The following CACNA1G variants were observed in gnomAD, a reference collection of about 807,000 sequenced individuals.
CACNA1G encodes the protein voltage-dependent T-type calcium channel subunit alpha-1G.
CACNA1G carries 67 observed loss-of-function variants against 219.4 expected under a neutral mutation model. That is an observed-to-expected ratio of 0.31 (90% CI 0.25 to 0.37). The LOEUF is 0.37. Ranked by LOEUF, CACNA1G falls within the 10% of genes least tolerant of loss-of-function variation. CACNA1G has a pLI of 1.00. For missense variants in CACNA1G, 2,380 were observed against 3,231.4 expected, an observed-to-expected ratio of 0.74 and a Z score of 6.39; for synonymous variants, 1,296 against 1,345.3, an observed-to-expected ratio of 0.96 and a Z score of 0.80.
chr17:50,576,396 G>C (rs1438947606), intron 8 of CACNA1G, 70 bp downstream of exon 8: 158 of 1,460,792 alleles, frequency 1.1e-4, no homozygotes, highest in Non-Finnish European at 1.4e-4. Context: ...GAGGGGACTA[G>C]GGGGTCTGGA....
Position 50,596,856 on chromosome 17 carries a change from C to T in CACNA1G, c.3191C>T (p.Pro1064Leu), listed in dbSNP as rs762750714. 8 of 1,598,174 alleles carry T rather than the reference C, an allele frequency of 5.0e-6. No individual in the cohort carries two copies. The African/African-American group carries it at 8.0e-5, about 16-fold the overall frequency. Reference sequence around the variant, plus strand: ...ACGGGCCTGGGCGAGGCGCTGGGCCCTGCGTCGCGCCGCACCAGCAGCAGC... The same window carrying T: ...ACGGGCCTGGGCGAGGCGCTGGGCCTTGCGTCGCGCCGCACCAGCAGCAGC... ...TSTGLGEALG[P>L]ASRRTSSSGS... Residue 1064 changes from proline to leucine, a missense_variant, in exon 16 of 38, where the codon CCT becomes CTT. Pro to Leu is a moderately conservative substitution (Grantham distance 98). This residue lies in a region of CACNA1G where 418 missense variants were observed against 434.3 expected (regional missense o/e 0.96). Coordinates refer to ENST00000359106, the MANE Select transcript of CACNA1G (RefSeq NM_018896.5). The surrounding 1 kb of genome is among the most constrained non-coding windows in gnomAD (Gnocchi z 4.8).
rs116433122 is a variant in CACNA1G, at chr17:50,600,248, G to A, written c.3690+389G>A. Among the ~76,000 whole-genome samples, 1,837 of 152,224 alleles carry A rather than the reference G, an allele frequency of 0.012. 27 individuals are homozygous for A. The highest frequency in any genetic ancestry group is 0.041 in the African/African-American group (1,707 of 41,520). ...CTTCCCACTCTATCCATACCCATGT[G>A]CCCCTGCCCCAGCCCCTCATCACCA... On this transcript the variant is annotated intron_variant, in intron 17 of 37. Coordinates refer to ENST00000359106, the MANE Select transcript of CACNA1G (RefSeq NM_018896.5). The surrounding 1 kb of genome is among the most constrained non-coding windows in gnomAD (Gnocchi z 4.1).
chr17:50,567,025 G>C (rs566094192), intron 1 of CACNA1G, among the ~76,000 whole-genome samples: 1 of 152,214 alleles, frequency 6.6e-6, no homozygotes, highest in Non-Finnish European at 1.5e-5. Context: ...CCTGCATGGG[G>C]AAAGCAGACC....
At position 50,578,640 on chromosome 17, in the gene CACNA1G, A is replaced by G; in HGVS notation, c.2301+76A>G. On this transcript the variant is annotated intron_variant, in intron 9 of 37. Transcript: ENST00000359106. The surrounding 1 kb of genome is among the most constrained non-coding windows in gnomAD (Gnocchi z 4.5). ...GCTGGGGCCTTCTACCTCCCTCCGC[A>G]CCCCTCCTCCTGAGCTCAGCTTCCT... The G allele has an allele frequency of 1.4e-6, 2 of 1,407,986 alleles. No individual in the cohort carries two copies. Among genetic ancestry groups the G allele is most frequent in the Non-Finnish European group, 1.9e-6 (2 of 1,051,350 alleles). 87.2% of individuals were successfully genotyped at this position (1,407,986 alleles called of 1,614,324 possible). A position where few individuals can be genotyped will look rare whatever the true frequency, so the allele number is the denominator to read the frequency against.
At chr17:50,574,646 C>T (rs1253722322) in intron 7 of CACNA1G, among the ~76,000 whole-genome samples, 1 of 152,188 alleles carries the variant, frequency 6.6e-6, no homozygotes, top group Non-Finnish European at 1.5e-5. Context: ...GCCTAGTTTC[C>T]ACCCTCCCAC....
At position 50,592,089 on chromosome 17, in the gene CACNA1G, G is replaced by C; in HGVS notation, c.2907G>C (p.Ala969=). 6.2e-7 allele frequency: 1 copy of C among 1,611,608 alleles called. No individual in the cohort carries two copies. The highest frequency in any genetic ancestry group is 8.5e-7 in the Non-Finnish European group (1 of 1,178,722). The change falls in exon 13 of 38, where the codon GCG becomes GCC. Residue 969 remains alanine (A), a synonymous_variant. Coordinates refer to ENST00000359106, the MANE Select transcript of CACNA1G (RefSeq NM_018896.5). The stretch of plus-strand genomic sequence containing the variant: ...CCATTCTGGTGGAGGGCTTCCAGGC[G>C]GAGGTAACCCACTGCTCTGCCCACC... The part of the protein sequence containing the change: ...LVAILVEGFQ[A]EEISKREDAS...
At position 50,596,528 on chromosome 17, in the gene CACNA1G, G is replaced by A. The variant is rs757241420; in HGVS notation, c.2980-34G>A. The A allele has an allele frequency of 8.8e-6, 14 of 1,588,164 alleles. No individual in the cohort carries two copies. The highest frequency in any genetic ancestry group is 1.3e-5 in the African/African-American group (1 of 74,538). ...CCATCCCAACCACCCAAGCCTGGCC[G>A]GATCCCTAATGGTCCGCTGCTCCCC... is the stretch of plus-strand genomic sequence containing the variant. On this transcript the variant is annotated intron_variant, in intron 14 of 37. Transcript: ENST00000359106. The surrounding 1 kb of genome is among the most constrained non-coding windows in gnomAD (Gnocchi z 4.8).
rs765391862 is a variant in CACNA1G at position 50,591,837 on chromosome 17, T to C, written c.2738T>C (p.Ile913Thr). ...AATTTTGACTCCTTGCTCTGGGCCA[T>C]CGTCACTGTCTTTCAGGTGCGAGGG... ...RKNFDSLLWA[I>T]VTVFQILTQE... The change falls in exon 12 of 38, where the codon ATC (isoleucine) becomes ACC (threonine). Residue 913 changes from isoleucine (I) to threonine (T), a missense_variant. By Grantham distance (89) the Ile-to-Thr change is moderately conservative. Coordinates refer to ENST00000359106, the MANE Select transcript of CACNA1G (RefSeq NM_018896.5). The C allele has an allele frequency of 1.2e-6, 2 of 1,613,912 alleles. No homozygotes were observed. Among genetic ancestry groups the C allele is most frequent in the South Asian group, 2.2e-5 (2 of 91,076 alleles).
At chr17:50,620,962 C>T (rs78991059) in intron 34 of CACNA1G, among the ~76,000 whole-genome samples, 1,571 of 152,332 alleles carry the variant, frequency 0.01, 27 homozygotes, top group African/African-American at 0.036. Flanking sequence ...TGAGGCAACC[C>T]CCTGGGTCCC....
chr17:50,574,161 A>C (rs147104802), intron 7 of CACNA1G, among the ~76,000 whole-genome samples: 3 of 152,180 alleles, frequency 2.0e-5, no homozygotes, highest in Non-Finnish European at 4.4e-5. Context: ...CTGGGCCAAG[A>C]TCACACAGAA....
chr17:50,603,089 G>A lies in CACNA1G; in HGVS notation c.4059G>A (p.Leu1353=). ...GTTGGAACGTGCTGGACGGGCTGTTGGTGCTCATCTCCGTCATCGACATTC... is the reference window on the plus strand; with the variant it reads ...GTTGGAACGTGCTGGACGGGCTGTTAGTGCTCATCTCCGTCATCGACATTC... The part of the protein sequence containing the change: ...RSSWNVLDGL[L]VLISVIDILV... The change falls in exon 21 of 38, where the codon TTG becomes TTA. Residue 1353 remains leucine, a synonymous_variant. Transcript: ENST00000359106. The surrounding 1 kb of genome is among the most constrained non-coding windows in gnomAD (Gnocchi z 6.4). The A allele has an allele frequency of 2.5e-6, 4 of 1,613,618 alleles. No individual in the cohort carries two copies. Among genetic ancestry groups the A allele is most frequent in the Non-Finnish European group, 3.4e-6 (4 of 1,179,782 alleles).
At chr17:50,582,955 AAGTG>A in intron 9 of CACNA1G, among the ~76,000 whole-genome samples, 1 of 152,146 alleles carries the variant, frequency 6.6e-6, no homozygotes, top group East Asian at 1.9e-4. Context: ...TTCTATTTAT[AAGTG>A]AGTGAGTTTG....
chr17:50,593,801 A>G (rs1028012442), intron 13 of CACNA1G, among the ~76,000 whole-genome samples: 1 of 152,170 alleles, frequency 6.6e-6, no homozygotes, highest in East Asian at 1.9e-4. Context: ...TCCCCTCTCC[A>G]TGGGAGTGGG....
At chr17:50,569,398 C>G in intron 3 of CACNA1G, 100 bp downstream of exon 3, 1 of 1,274,028 alleles carries the variant, frequency 7.8e-7, no homozygotes, top group Non-Finnish European at 1.1e-6. Context: ...AGCCCAGTTA[C>G]AGCACCACTT....
intron 7 of CACNA1G, among the ~76,000 whole-genome samples, chr17:50,574,944 G>A (rs2040312374): frequency 6.6e-6 from 1 of 152,080 alleles, no homozygotes; most frequent in South Asian, 2.1e-4. Flanking sequence ...GGGGCACAGG[G>A]AAAATGGGGA....
rs549385629 is a variant in CACNA1G, at chr17:50,618,771, C to T, written c.5544C>T (p.Ala1848=). 1.4e-5 allele frequency: 23 copies of T among 1,613,980 alleles called. No homozygotes were observed. In the Middle Eastern group the frequency reaches 4.9e-4, roughly 35 times the overall value. Residue 1848 remains alanine, a synonymous_variant, in exon 33 of 38, where the codon GCC becomes GCT. Transcript: ENST00000359106. The surrounding 1 kb of genome is among the most constrained non-coding windows in gnomAD (Gnocchi z 5.3). ...AQFVLVNVVI[A]VLMKHLEESN... ...TCGTGCTAGTCAACGTGGTGATCGC[C>T]GTGCTGATGAAGCACCTGGAGGAGA...
In CACNA1G at chr17:50,626,059, A is replaced by G; in HGVS notation, c.6442A>G (p.Ser2148Gly). The change falls in exon 38 of 38, where the codon AGC becomes GGC. Residue 2148 changes from serine to glycine, a missense_variant. Physicochemically the swap from Ser to Gly is moderately conservative, Grantham distance 56. Transcript: ENST00000359106. The surrounding 1 kb of genome is among the most constrained non-coding windows in gnomAD (Gnocchi z 4.3). Reference sequence around the variant, plus strand: ...CTCCTTGGACGTTCAGGGTCTGGGCAGCCGGGAAGACCTGCTGGCAGAGGT... The same window carrying G: ...CTCCTTGGACGTTCAGGGTCTGGGCGGCCGGGAAGACCTGCTGGCAGAGGT... ...TDSLDVQGLG[S>G]REDLLAEVSG... is the part of the protein sequence containing the mutation. 6.2e-7 allele frequency: 1 copy of G among 1,613,282 alleles called. No individual in the cohort carries two copies. Among genetic ancestry groups the G allele is most frequent in the Non-Finnish European group, 8.5e-7 (1 of 1,179,666 alleles).
Position 50,626,557 on chromosome 17 carries a change from G to A in CACNA1G, c.6940G>A (p.Asp2314Asn). ...KKLSPPSITI[D>N]PPESQGPRTP... ...ACTCAGCCCGCCTAGTATCACCATA[G>A]ACCCCCCCGAGAGCCAAGGTCCTCG... Residue 2314 changes from aspartate (D) to asparagine (N), a missense_variant, in exon 38 of 38, where the codon GAC (aspartate) becomes AAC (asparagine). Physicochemically the swap from Asp to Asn is conservative, Grantham distance 23. Coordinates refer to ENST00000359106, the MANE Select transcript of CACNA1G (RefSeq NM_018896.5). The surrounding 1 kb of genome is among the most constrained non-coding windows in gnomAD (Gnocchi z 4.3). 1 of 1,590,456 alleles carries A rather than the reference G, an allele frequency of 6.3e-7. No homozygotes were observed. The highest frequency in any genetic ancestry group is 8.5e-7 in the Non-Finnish European group (1 of 1,170,232).
At chr17:50,601,391 AG>A (rs1278392288) in intron 19 of CACNA1G, among the ~76,000 whole-genome samples, 1 of 152,188 alleles carries the variant, frequency 6.6e-6, no homozygotes, top group Admixed American at 6.5e-5. Context: ...ACATCAGCCC[AG>A]CTGGGTGCTT....
Sources: allele counts gnomAD v4.1 joint callset (sites outside exome capture counted in the v4.1 genomes callset), GRCh38; gene constraint gnomAD v4.1.1; regional missense constraint gnomAD v4.1.1; non-coding constraint Gnocchi (gnomAD v3.1); transcripts MANE v1.5; gene names NCBI Gene and HGNC (gene_info 2026-07-23, HGNC 2026-07-21).